The following FLOT1 variants were observed in gnomAD, a reference collection of about 807,000 sequenced individuals.
The protein encoded by FLOT1 is flotillin 1, also known as flotillin-1.
A neutral mutation model predicts 58.4 loss-of-function variants in FLOT1; 40 were observed. The observed-to-expected ratio is 0.69, with a 90% CI of 0.53 to 0.89. The LOEUF (loss-of-function observed/expected upper bound fraction) is 0.89. Among genes scored for constraint, FLOT1 ranks in the 40% least tolerant of loss-of-function variants. FLOT1 has a pLI of 0.00. For synonymous variants in FLOT1, 178 were observed against 204.2 expected, an observed-to-expected ratio of 0.87 and a Z score of 1.09; for missense variants, 423 against 540.8, an observed-to-expected ratio of 0.78 and a Z score of 2.16.
chr6:30,728,631 A>G (rs143064949), intron 12 of FLOT1, among the ~76,000 whole-genome samples: 11,122 of 149,974 alleles, frequency 0.074, 648 homozygotes, highest in African/African-American at 0.16. Flanking sequence ...CACCATACCC[A>G]GCTAATTTTT....
chr6:30,729,194 C>G (rs1231863375), intron 12 of FLOT1, among the ~76,000 whole-genome samples: 1 of 151,978 alleles, frequency 6.6e-6, no homozygotes, highest in Non-Finnish European at 1.5e-5. Flanking sequence ...CCTGCCTCAG[C>G]TTCCCGAGTA....
Position 30,742,271 on chromosome 6 carries a change from C to T in FLOT1, c.-14-68G>A. On this transcript the variant is annotated intron_variant, in intron 1 of 12. Transcript: ENST00000376389. The surrounding 1 kb of genome is among the most constrained non-coding windows in gnomAD (Gnocchi z 5.2). Reference sequence around the variant, plus strand: ...CGCTGTGGCGTCCACAGGGGCCCATCCTTTCCCTTTCCCGTCAGGCCCTCC... The same window carrying T: ...CGCTGTGGCGTCCACAGGGGCCCATTCTTTCCCTTTCCCGTCAGGCCCTCC... 3 of 1,339,530 alleles carry T rather than the reference C, an allele frequency of 2.2e-6. No individual in the cohort carries two copies. The highest frequency in any genetic ancestry group is 3.2e-6 in the Non-Finnish European group (3 of 931,334). 83.0% of individuals were successfully genotyped at this position (1,339,530 alleles called of 1,614,324 possible).
At chr6:30,731,485 C>CAAAAAAAAAA (rs35667527) in intron 8 of FLOT1, among the ~76,000 whole-genome samples, 1 of 83,788 alleles carries the variant, frequency 1.2e-5, no homozygotes. Context: ...ACTCCATCTC[C>CAAAAAAAAAA]AAAAAAAAAA....
chr6:30,730,602 C>T (rs1250211114), intron 10 of FLOT1, 37 bp from the exon 11 acceptor site: 2 of 1,613,658 alleles, frequency 1.2e-6, no homozygotes, highest in Admixed American at 3.3e-5. Flanking sequence ...TGACGGAAAT[C>T]ATTAAGAACA....
rs1776846890 is a variant in FLOT1, at chr6:30,727,940, T to C, written c.*176A>G. ...AGTTGGCAATCATAGCAGTGTGAGG[T>C]TGGCAAGGGGAGCAACCCCCTTCAA... On this transcript the variant is annotated 3_prime_UTR_variant, in exon 13 of 13. Transcript: ENST00000376389. 1 of 666,558 alleles carries C rather than the reference T, an allele frequency of 1.5e-6. No homozygotes were observed. The highest frequency in any genetic ancestry group is 3.9e-4 in the Middle Eastern group (1 of 2,534). The allele number at this position is 666,558 out of a possible 1,614,324, so 41.3% of individuals were successfully genotyped here. A position where few individuals can be genotyped will look rare whatever the true frequency, so the allele number is the denominator to read the frequency against.
chr6:30,734,046 GAAAAAAA>G (rs796499603), intron 8 of FLOT1, among the ~76,000 whole-genome samples: 3,241 of 48,710 alleles, frequency 0.067, 94 homozygotes, highest in African/African-American at 0.13. Flanking sequence ...CCCTGTCTCT[GAAAAAAA>G]AAAAAAAAAA....
chr6:30,740,322 G>A lies in FLOT1; in HGVS notation c.571-12C>T, dbSNP rs1450634824. On this transcript the variant is annotated splice_polypyrimidine_tract_variant and intron_variant, in intron 7 of 12. Transcript: ENST00000376389. ...TTGGCTTTAGCTTCCTGTCCAAGCA[G>A]AGATCAGGTAGGAAATGTCAGGGCA... 1.9e-6 allele frequency: 3 copies of A among 1,612,848 alleles called. No homozygotes were observed. The highest frequency in any genetic ancestry group is 2.5e-6 in the Non-Finnish European group (3 of 1,180,002).
At position 30,742,428 on chromosome 6, in the gene FLOT1, C is replaced by G; in HGVS notation, c.-15+99G>C. 1.7e-6 allele frequency: 1 copy of G among 589,156 alleles called. No individual in the cohort carries two copies. Among genetic ancestry groups the G allele is most frequent in the Non-Finnish European group, 3.0e-6 (1 of 329,036 alleles). The allele number at this position is 589,156 out of a possible 1,614,324, so 36.5% of individuals were successfully genotyped here. A position where few individuals can be genotyped will look rare whatever the true frequency, so the allele number is the denominator to read the frequency against. Reference sequence around the variant, plus strand: ...GGTCCCTCCCTTCCCCTCGCCGCTCCCTTTGATAAAGGTCCCCCGCGCCCA... The same window carrying G: ...GGTCCCTCCCTTCCCCTCGCCGCTCGCTTTGATAAAGGTCCCCCGCGCCCA... On this transcript the variant is annotated intron_variant, in intron 1 of 12. Coordinates refer to ENST00000376389, the MANE Select transcript of FLOT1 (RefSeq NM_005803.4). This position sits in a 1 kb window ranked among gnomAD's most constrained non-coding sequence, Gnocchi z 5.2.
In FLOT1 at chr6:30,737,078, C is replaced by T. The variant is rs1777617277; in HGVS notation, c.723+3080G>A. 6.6e-6 allele frequency among the ~76,000 whole-genome samples: 1 copy of T among 152,186 alleles called. No homozygotes were observed. Among genetic ancestry groups the T allele is most frequent in the Admixed American group, 6.6e-5 (1 of 15,264 alleles). ...TGATCTGGCCCTGCCTGCCTTTCCT[C>T]CTCACTCACAGCACACCAGCGCCCC... On this transcript the variant is annotated intron_variant, in intron 8 of 12. Transcript: ENST00000376389. This position sits in a 1 kb window ranked among gnomAD's most constrained non-coding sequence, Gnocchi z 4.4.
Position 30,741,808 on chromosome 6 carries a change from T to C in FLOT1, c.103A>G (p.Ile35Val). ...AGGRVFVLPC[I>V]QQIQRISLNT... is the part of the protein sequence containing the mutation. ...CTTGCCTACCTCTGGATCTGTTGGA[T>C]GCAGGGCAGGACAAAGACACGCCCT... The change falls in exon 3 of 13, where the codon ATC becomes GTC. Residue 35 changes from isoleucine to valine, a missense_variant. Coordinates refer to ENST00000376389, the MANE Select transcript of FLOT1 (RefSeq NM_005803.4). The surrounding 1 kb of genome is among the most constrained non-coding windows in gnomAD (Gnocchi z 5.9). 1 of 1,613,030 alleles carries C rather than the reference T, an allele frequency of 6.2e-7. No individual in the cohort carries two copies. The highest frequency in any genetic ancestry group is 1.3e-5 in the African/African-American group (1 of 75,046).
intron 8 of FLOT1, among the ~76,000 whole-genome samples, chr6:30,732,327 G>A (rs535185693): frequency 1.3e-5 from 2 of 152,082 alleles, no homozygotes; most frequent in Admixed American, 1.3e-4. Flanking sequence ...TTATCAAGAT[G>A]CTAGTGAGGA....
At chr6:30,738,267 A>C (rs1375552631) in intron 8 of FLOT1, among the ~76,000 whole-genome samples, 3 of 152,236 alleles carry the variant, frequency 2.0e-5, no homozygotes, top group South Asian at 2.1e-4. Context: ...GCTGGGTAGA[A>C]CACAGTTTGA....
chr6:30,730,840 G>C, intron 9 of FLOT1, 79 bp downstream of exon 9: 1 of 1,600,942 alleles, frequency 6.2e-7, no homozygotes. Context: ...AGGAGTCCAG[G>C]TGGTGAAGGC....
rs777801708 is a variant in FLOT1, at chr6:30,731,107, A to G, written c.724-7T>C. 6 of 1,592,988 alleles carry G rather than the reference A, an allele frequency of 3.8e-6. No homozygotes were observed. Among genetic ancestry groups the G allele is most frequent in the Middle Eastern group, 3.5e-4 (2 of 5,784 alleles). On this transcript the variant is annotated splice_polypyrimidine_tract_variant and splice_region_variant and intron_variant, in intron 8 of 12. Transcript: ENST00000376389. ...GCTGCTTAGTCTTGGCCACCTGGGT[A>G]GGAGGGTGAAGTCAGGTTCACGCTC...
Position 30,737,418 on chromosome 6 carries a change from G to A in FLOT1, c.723+2740C>T, listed in dbSNP as rs1040189193. ...ACTGCAGGCTCAAACCACCACACCCGGCTAATATTTTTTGTATTTTTGGTA... is the reference window on the plus strand; with the variant it reads ...ACTGCAGGCTCAAACCACCACACCCAGCTAATATTTTTTGTATTTTTGGTA... On this transcript the variant is annotated intron_variant, in intron 8 of 12. Transcript: ENST00000376389. The surrounding 1 kb of genome is among the most constrained non-coding windows in gnomAD (Gnocchi z 4.4). 2.0e-5 allele frequency among the ~76,000 whole-genome samples: 3 copies of A among 151,966 alleles called. No individual in the cohort carries two copies. The highest frequency in any genetic ancestry group is 4.8e-5 in the African/African-American group (2 of 41,356).
rs964120889 is a variant in FLOT1 at position 30,742,266 on chromosome 6, C to A, written c.-14-63G>T. On this transcript the variant is annotated intron_variant, in intron 1 of 12. Coordinates refer to ENST00000376389, the MANE Select transcript of FLOT1 (RefSeq NM_005803.4). The surrounding 1 kb of genome is among the most constrained non-coding windows in gnomAD (Gnocchi z 5.2). ...AGGCGCGCTGTGGCGTCCACAGGGGCCCATCCTTTCCCTTTCCCGTCAGGC... is the reference window on the plus strand; with the variant it reads ...AGGCGCGCTGTGGCGTCCACAGGGGACCATCCTTTCCCTTTCCCGTCAGGC... 1 of 1,387,580 alleles carries A rather than the reference C, an allele frequency of 7.2e-7. No homozygotes were observed. Among genetic ancestry groups the A allele is most frequent in the African/African-American group, 1.4e-5 (1 of 70,384 alleles). The allele number at this position is 1,387,580 out of a possible 1,614,324, so 86.0% of individuals were successfully genotyped here. A position where few individuals can be genotyped will look rare whatever the true frequency, so the allele number is the denominator to read the frequency against.
intron 12 of FLOT1, among the ~76,000 whole-genome samples, chr6:30,728,464 CTTT>C (rs70987657): frequency 2.7e-5 from 4 of 146,242 alleles, no homozygotes; most frequent in Non-Finnish European, 4.5e-5. Flanking sequence ...TTTACATACG[CTTT>C]TTTTTTTTCT....
chr6:30,729,751 G>C (rs1427640889), intron 12 of FLOT1, among the ~76,000 whole-genome samples: 1 of 152,170 alleles, frequency 6.6e-6, no homozygotes, highest in Non-Finnish European at 1.5e-5. Context: ...AGAGACAGTC[G>C]ACCTGGATTT....
rs1370353612 is a variant in FLOT1 at position 30,728,106 on chromosome 6, G to C, written c.*10C>G. On this transcript the variant is annotated 3_prime_UTR_variant, in exon 13 of 13. Transcript: ENST00000376389. ...AGCTATGAGGCTGGGCATCTGTGAG[G>C]GCTGAAGGCTCAGGCTGTTCTCAAA... 6.2e-7 allele frequency: 1 copy of C among 1,612,736 alleles called. No homozygotes were observed. Among genetic ancestry groups the C allele is most frequent in the South Asian group, 1.1e-5 (1 of 91,070 alleles).
Sources: gnomAD v4.1 joint callset for allele counts (sites outside exome capture counted in the v4.1 genomes callset) on GRCh38, gnomAD v4.1.1 for gene constraint, Gnocchi (gnomAD v3.1) non-coding constraint, MANE v1.5 for transcripts, NCBI Gene and HGNC (gene_info 2026-07-23, HGNC 2026-07-21) for gene names.